Variants in MYRFL observed in about 807,000 individuals in gnomAD.
MYRFL encodes the protein myelin regulatory factor-like protein.
MYRFL carries 88 observed loss-of-function variants against 109.4 expected under a neutral mutation model. The ratio of observed to expected loss-of-function variants is 0.80; its 90% CI spans 0.68 to 0.96. The LOEUF is 0.96. Among genes scored for constraint, MYRFL ranks in the 40% least tolerant of loss-of-function variants. MYRFL has a pLI of 0.00. For missense variants in MYRFL, 957 were observed against 954.9 expected (o/e 1.00, Z -0.03); for synonymous variants, 324 against 320.9 (o/e 1.01, Z -0.10).
intron 1 of MYRFL, among the ~76,000 whole-genome samples, chr12:69,832,575 A>G (rs1882694963): frequency 1.3e-5 from 2 of 152,180 alleles, no homozygotes; most frequent in African/African-American, 4.8e-5. Context: ...ATGACATTCA[A>G]GCTGAGACCT....
At chr12:69,835,139 G>A (rs1475317537) in intron 1 of MYRFL, among the ~76,000 whole-genome samples, 3 of 152,256 alleles carry the variant, frequency 2.0e-5, no homozygotes, top group Non-Finnish European at 2.9e-5. Context: ...TAAAAGAACC[G>A]GTTCTTGTAT....
At chr12:69,937,262 T>C (rs998374299) in intron 19 of MYRFL, among the ~76,000 whole-genome samples, 1 of 152,114 alleles carries the variant, frequency 6.6e-6, no homozygotes, top group Non-Finnish European at 1.5e-5. Flanking sequence ...AAATGTATAC[T>C]AATTTATTAT....
chr12:69,882,493 T>A (rs1886186886), intron 5 of MYRFL, among the ~76,000 whole-genome samples: 1 of 152,200 alleles, frequency 6.6e-6, no homozygotes, highest in African/African-American at 2.4e-5. Flanking sequence ...GAGGAGGTTA[T>A]GCCAGTCTTA....
At chr12:69,894,268 G>T (rs1003500555) in intron 8 of MYRFL, among the ~76,000 whole-genome samples, 6 of 152,040 alleles carry the variant, frequency 3.9e-5, no homozygotes, top group Non-Finnish European at 7.4e-5. Context: ...AAGGTGCTGG[G>T]ATTACAGGCG....
chr12:69,942,623 C>A (rs993654879), intron 19 of MYRFL, among the ~76,000 whole-genome samples: 4 of 150,140 alleles, frequency 2.7e-5, no homozygotes, highest in African/African-American at 9.8e-5. Context: ...TGAAAACTGG[C>A]ACAAGACAGG....
intron 19 of MYRFL, among the ~76,000 whole-genome samples, chr12:69,940,625 C>A (rs1955612543): frequency 6.6e-6 from 1 of 152,274 alleles, no homozygotes; most frequent in South Asian, 2.1e-4. Context: ...ACTGCATCAA[C>A]TAACGAGCAA....
chr12:69,842,593 C>T (rs570910914), intron 1 of MYRFL, among the ~76,000 whole-genome samples: 206 of 152,270 alleles, frequency 1.4e-3, no homozygotes, highest in African/African-American at 4.0e-3. Flanking sequence ...CAGTGGGGTC[C>T]GGGAATGGTG....
At chr12:69,950,240 C>T (rs1288508624) in intron 19 of MYRFL, among the ~76,000 whole-genome samples, 1 of 152,162 alleles carries the variant, frequency 6.6e-6, no homozygotes, top group Non-Finnish European at 1.5e-5. Context: ...TACCCACTCT[C>T]TCCACTGCCC....
At chr12:69,863,707 T>C (rs1250012840) in intron 2 of MYRFL, among the ~76,000 whole-genome samples, 1 of 152,240 alleles carries the variant, frequency 6.6e-6, no homozygotes, top group Non-Finnish European at 1.5e-5. Flanking sequence ...AAAAGTAGGC[T>C]ATTACATTGA....
intron 19 of MYRFL, among the ~76,000 whole-genome samples, chr12:69,944,202 A>G (rs1237740938): frequency 1.4e-5 from 2 of 142,032 alleles, no homozygotes; most frequent in East Asian, 2.1e-4. Flanking sequence ...CCAAAGGACT[A>G]TAAATCATGC....
chr12:69,943,864 G>T (rs1360974018), intron 19 of MYRFL, among the ~76,000 whole-genome samples: 1 of 152,122 alleles, frequency 6.6e-6, no homozygotes, highest in African/African-American at 2.4e-5. Context: ...CCATCAAAAA[G>T]TGGATGAAGG....
chr12:69,949,238 G>A lies in MYRFL; in HGVS notation c.2225-2875G>A, dbSNP rs145982698. Among the ~76,000 whole-genome samples the A allele has an allele frequency of 1.9e-3, 242 of 130,106 alleles. 3 individuals are homozygous for A. The highest frequency in any genetic ancestry group is 0.014 in the Middle Eastern group (3 of 216). The allele number at this position is 130,106 out of a possible 152,430, so 85.4% of individuals were successfully genotyped here. On this transcript the variant is annotated intron_variant, in intron 19 of 24. Transcript: ENST00000552032. ...GAAACTTGAACATAGATCTAAATCTGCAAATTAAAAAAAAAAAAAAGACTG... is the reference window on the plus strand; with the variant it reads ...GAAACTTGAACATAGATCTAAATCTACAAATTAAAAAAAAAAAAAAGACTG...
At chr12:69,940,674 T>C (rs1421221119) in intron 19 of MYRFL, among the ~76,000 whole-genome samples, 10 of 151,602 alleles carry the variant, frequency 6.6e-5, no homozygotes, top group East Asian at 1.9e-4. Context: ...ATCAAATTCA[T>C]ACATAACACT....
chr12:69,846,709 AC>A (rs1883573187), intron 1 of MYRFL, among the ~76,000 whole-genome samples: 1 of 152,192 alleles, frequency 6.6e-6, no homozygotes, highest in South Asian at 2.1e-4. Flanking sequence ...TTGGGTATAT[AC>A]CCAGTAATGG....
rs865935850 is a variant in MYRFL, at chr12:69,855,928, G to A, written c.137+558G>A. ...CTCTTATTTTCTGGTATTAATATAG[G>A]CACTCTGGCCTTTTTTATTTTTAAT... On this transcript the variant is annotated intron_variant, in intron 2 of 24. Transcript: ENST00000552032. 3.3e-5 allele frequency among the ~76,000 whole-genome samples: 5 copies of A among 151,554 alleles called. No individual in the cohort carries two copies. In the Middle Eastern group the frequency reaches 0.01, roughly 311 times the overall value.
chr12:69,866,689 G>T (rs1177087863), intron 2 of MYRFL, among the ~76,000 whole-genome samples: 2 of 152,106 alleles, frequency 1.3e-5, no homozygotes, highest in Admixed American at 6.5e-5. Flanking sequence ...AGAGACCACT[G>T]GGCTGCAAAA....
intron 1 of MYRFL, among the ~76,000 whole-genome samples, chr12:69,846,806 T>C (rs557239538): frequency 6.6e-6 from 1 of 151,920 alleles, no homozygotes; most frequent in East Asian, 1.9e-4. Flanking sequence ...TAGTTTACAG[T>C]CCCACCAACA....
intron 6 of MYRFL, among the ~76,000 whole-genome samples, chr12:69,890,461 G>A (rs992742927): frequency 6.6e-6 from 1 of 152,216 alleles, no homozygotes; most frequent in Admixed American, 6.5e-5. Context: ...GCCGGGTGTG[G>A]TAGCTCACAC....
At chr12:69,860,107 T>C (rs1018697803) in intron 2 of MYRFL, among the ~76,000 whole-genome samples, 5 of 152,106 alleles carry the variant, frequency 3.3e-5, no homozygotes, top group African/African-American at 9.7e-5. Context: ...CCCCAACACC[T>C]GGGCCCCCCA....
Sources: allele counts gnomAD v4.1 joint callset (sites outside exome capture counted in the v4.1 genomes callset), GRCh38; gene constraint gnomAD v4.1.1; transcripts MANE v1.5; gene names NCBI Gene and HGNC (gene_info 2026-07-23, HGNC 2026-07-21).